Variants in JMJD1C observed in about 807,000 individuals in gnomAD.
The protein encoded by JMJD1C is jumonji domain containing 1C.
In JMJD1C, 31 loss-of-function variants were observed where a neutral mutation model predicts 245.3. The observed-to-expected ratio is 0.13, with a 90% CI of 0.09 to 0.17. The LOEUF is 0.17. JMJD1C is among the 10% of genes least tolerant of loss of function. The pLI is 1.00. For missense variants in JMJD1C, 2,691 were observed against 3,000.2 expected (o/e 0.90, Z 2.41); for synonymous variants, 1,057 against 1,017.4 (o/e 1.04, Z -0.74).
At chr10:63,352,196 T>A (rs1944420753) in intron 2 of JMJD1C, among the ~76,000 whole-genome samples, 1 of 152,184 alleles carries the variant, frequency 6.6e-6, no homozygotes, top group African/African-American at 2.4e-5. Flanking sequence ...AAGGTAAGTT[T>A]AGAAATACGT....
At chr10:63,234,271 G>C (rs1411125191) in intron 3 of JMJD1C, among the ~76,000 whole-genome samples, 4 of 151,832 alleles carry the variant, frequency 2.6e-5, no homozygotes, top group Non-Finnish European at 5.9e-5. Context: ...TGAGGCAGGT[G>C]AAACGCTGAG....
chr10:63,203,526 A>G (rs1360089315), intron 10 of JMJD1C: 1 of 974,744 alleles, frequency 1.0e-6, no homozygotes, highest in African/African-American at 1.8e-5. Context: ...GTGATCATAA[A>G]CCACTGGTTT....
chr10:63,244,835 G>A (rs1425391164), intron 3 of JMJD1C, among the ~76,000 whole-genome samples: 2 of 147,938 alleles, frequency 1.4e-5, no homozygotes, highest in Admixed American at 6.8e-5. Context: ...GGAGGGGGGA[G>A]AACAATTAAA....
At position 63,207,926 on chromosome 10, in the gene JMJD1C, T is replaced by C. The variant is rs756816527; in HGVS notation, c.3743A>G (p.Gln1248Arg). The C allele has an allele frequency of 1.9e-6, 3 of 1,614,196 alleles. No homozygotes were observed. The highest frequency in any genetic ancestry group is 2.5e-6 in the Non-Finnish European group (3 of 1,180,012). The change falls in exon 10 of 26, where the codon CAG (glutamine) becomes CGG (arginine). Residue 1248 changes from glutamine to arginine, a missense_variant. Gln to Arg is a conservative substitution (Grantham distance 43, BLOSUM62 1). Transcript: ENST00000399262. ...VNAGGKVQESQKPPTLIPEPK... is the reference protein window; with the variant it reads ...VNAGGKVQESRKPPTLIPEPK... ...TTCGGGTATTAGAGTTGGAGGCTTCTGTGATTCTTGAACTTTACCACCAGC... is the reference window on the plus strand; with the variant it reads ...TTCGGGTATTAGAGTTGGAGGCTTCCGTGATTCTTGAACTTTACCACCAGC...
chr10:63,386,174 G>A (rs898917972), intron 1 of JMJD1C, among the ~76,000 whole-genome samples: 4 of 151,986 alleles, frequency 2.6e-5, no homozygotes, highest in East Asian at 1.9e-4. Flanking sequence ...GGTACTAGCC[G>A]GACCCCACCC....
At chr10:63,344,136 C>A (rs944152198) in intron 2 of JMJD1C, among the ~76,000 whole-genome samples, 3 of 152,204 alleles carry the variant, frequency 2.0e-5, no homozygotes, top group African/African-American at 7.2e-5. Flanking sequence ...CCTTCACATT[C>A]TCTTCCCACT....
intron 13 of JMJD1C, chr10:63,194,768 G>A (rs867644705): frequency 5.9e-6 from 1 of 169,424 alleles, no homozygotes; most frequent in African/African-American, 2.4e-5. Context: ...AGTTTGAGAT[G>A]ACTGTTAATT....
rs1394947787 is a variant in JMJD1C, at chr10:63,184,669, G to A, written c.6900C>T (p.Ala2300=). 2.5e-6 allele frequency: 4 copies of A among 1,613,560 alleles called. No homozygotes were observed. The African/African-American group carries it at 4.0e-5, about 16-fold the overall frequency. ...YCNPEGKFNL[A]SHLPGFFVRP... is the part of the protein sequence containing the mutation. The stretch of plus-strand genomic sequence containing the variant: ...GTACAAAAAATCCTGGCAAATGAGA[G>A]GCCAAATTGAATTTTCCTTCTGGAT... The change falls in exon 21 of 26, where the codon GCC becomes GCT. Residue 2300 remains alanine (A), a synonymous_variant. Transcript: ENST00000399262.
chr10:63,180,850 G>C (rs1217281093), intron 22 of JMJD1C, among the ~76,000 whole-genome samples: 1 of 148,612 alleles, frequency 6.7e-6, no homozygotes, highest in Non-Finnish European at 1.5e-5. Flanking sequence ...CTCACTGCAA[G>C]CTCCGCCTCC....
chr10:63,181,610 A>G (rs902220054), intron 22 of JMJD1C, among the ~76,000 whole-genome samples: 4 of 152,102 alleles, frequency 2.6e-5, no homozygotes, highest in South Asian at 4.1e-4. Context: ...TAGATAAAGA[A>G]AGAGAGCAAA....
chr10:63,429,766 G>A (rs1196267316), intron 1 of JMJD1C, among the ~76,000 whole-genome samples: 1 of 152,124 alleles, frequency 6.6e-6, no homozygotes, highest in African/African-American at 2.4e-5. Flanking sequence ...TCTTATTATA[G>A]CACTATATTA....
chr10:63,223,809 A>T (rs181569281), intron 3 of JMJD1C, among the ~76,000 whole-genome samples: 79 of 152,224 alleles, frequency 5.2e-4, no homozygotes, highest in Admixed American at 1.9e-3. Context: ...GCCGGAGTGC[A>T]GTGGTGCAAT....
At chr10:63,343,867 A>C (rs1169076341) in intron 2 of JMJD1C, among the ~76,000 whole-genome samples, 3 of 151,880 alleles carry the variant, frequency 2.0e-5, no homozygotes, top group Admixed American at 1.3e-4. Flanking sequence ...GCAAAACCCT[A>C]TCTCTACAAA....
At chr10:63,456,472 C>G (rs1011028556) in intron 1 of JMJD1C, among the ~76,000 whole-genome samples, 1 of 151,990 alleles carries the variant, frequency 6.6e-6, no homozygotes, top group Admixed American at 6.6e-5. Context: ...TTAAATAACA[C>G]ATAATTTTAA....
chr10:63,183,926 AG>A (rs1395778185), intron 21 of JMJD1C, among the ~76,000 whole-genome samples: 1 of 152,230 alleles, frequency 6.6e-6, no homozygotes, highest in Non-Finnish European at 1.5e-5. Context: ...GACAATTTGT[AG>A]GAACAGTAAT....
chr10:63,362,481 A>ATATTTATTTATATATT (rs1564834568), intron 2 of JMJD1C, among the ~76,000 whole-genome samples: 2 of 146,424 alleles, frequency 1.4e-5, no homozygotes, highest in African/African-American at 5.0e-5. Flanking sequence ...ATTTATATAT[A>ATATTTATTTATATATT]TATTTATTTA....
chr10:63,199,032 T>C (rs1213185258), intron 11 of JMJD1C, among the ~76,000 whole-genome samples: 2 of 152,104 alleles, frequency 1.3e-5, no homozygotes, highest in African/African-American at 4.8e-5. Flanking sequence ...AGAGTAAAAA[T>C]GTGGGCCCAA....
chr10:63,424,698 G>C (rs1950337422), intron 1 of JMJD1C, among the ~76,000 whole-genome samples: 1 of 151,250 alleles, frequency 6.6e-6, no homozygotes, highest in Non-Finnish European at 1.5e-5. Flanking sequence ...AAATAATCTG[G>C]ATCTATCATT....
rs546354014 is a variant in JMJD1C at position 63,214,320 on chromosome 10, C to A, written c.1847G>T (p.Arg616Leu). The change falls in exon 8 of 26, where the codon CGA (arginine) becomes CTA (leucine). Residue 616 changes from arginine to leucine, a missense_variant. This residue lies in a region of JMJD1C where 1,562 missense variants were observed against 1,490.7 expected (regional missense o/e 1.05). Transcript: ENST00000399262. ...VSVMEDKLHK[R>L]SPPPETIKSK... is the part of the protein sequence containing the mutation. ...TTTTATAGTCTCTGGAGGTGGACTT[C>A]GCTTATGCAGCTTATCTTCCATGAC... is the stretch of plus-strand genomic sequence containing the variant. 1.2e-6 allele frequency: 2 copies of A among 1,613,940 alleles called. No homozygotes were observed. The highest frequency in any genetic ancestry group is 2.2e-5 in the East Asian group (1 of 44,866).
Sources: gnomAD v4.1 joint callset for allele counts (sites outside exome capture counted in the v4.1 genomes callset) on GRCh38, gnomAD v4.1.1 for gene constraint, gnomAD v4.1.1 regional missense constraint, MANE v1.5 for transcripts, NCBI Gene and HGNC (gene_info 2026-07-23, HGNC 2026-07-21) for gene names.